Variants in STK3 observed in about 807,000 individuals in gnomAD.
The protein encoded by STK3 is serine/threonine kinase 3.
STK3 carries 41 observed loss-of-function variants against 58.0 expected under a neutral mutation model. That is an observed-to-expected ratio of 0.71 (90% CI 0.55 to 0.92). STK3 has a LOEUF of 0.92. STK3 is among the 40% of genes least tolerant of loss of function. The pLI is 0.00. For missense variants in STK3, 479 were observed against 602.7 expected, an observed-to-expected ratio of 0.79 and a Z score of 2.15; for synonymous variants, 170 against 191.0, an observed-to-expected ratio of 0.89 and a Z score of 0.91.
intron 3 of STK3, among the ~76,000 whole-genome samples, chr8:98,837,023 GGA>G (rs1835771534): frequency 6.6e-6 from 1 of 152,040 alleles, no homozygotes; most frequent in Non-Finnish European, 1.5e-5. Flanking sequence ...CATGAAAGAA[GGA>G]GACTGAAAAA....
At chr8:98,672,946 CAAG>C (rs952846965) in intron 6 of STK3, among the ~76,000 whole-genome samples, 1 of 151,866 alleles carries the variant, frequency 6.6e-6, no homozygotes, top group Non-Finnish European at 1.5e-5. Context: ...TCAAGGGATT[CAAG>C]AAGAAGCTAT....
chr8:98,930,835 T>C (rs1020014292), intron 1 of STK3, among the ~76,000 whole-genome samples: 1 of 152,192 alleles, frequency 6.6e-6, no homozygotes, highest in African/African-American at 2.4e-5. Flanking sequence ...GTGACCTCTA[T>C]ACTCATGAAA....
At chr8:98,709,246 C>T (rs72666685) in intron 4 of STK3, among the ~76,000 whole-genome samples, 5,475 of 151,942 alleles carry the variant, frequency 0.036, 117 homozygotes, top group South Asian at 0.061. Context: ...TGATAGAGAA[C>T]GACTGAGAAG....
At chr8:98,809,093 G>A (rs998527317) in intron 1 of STK3, among the ~76,000 whole-genome samples, 14 of 152,152 alleles carry the variant, frequency 9.2e-5, no homozygotes, top group Admixed American at 5.2e-4. Context: ...CAACTCCATG[G>A]AGACATAAGC....
chr8:98,714,203 C>T (rs867976937), intron 4 of STK3, among the ~76,000 whole-genome samples: 10 of 152,258 alleles, frequency 6.6e-5, no homozygotes, highest in South Asian at 2.1e-4. Flanking sequence ...GGAAGCATTC[C>T]CTTTGAAAAC....
intron 9 of STK3, among the ~76,000 whole-genome samples, chr8:98,546,681 G>A (rs940100811): frequency 6.6e-6 from 1 of 152,080 alleles, no homozygotes; most frequent in African/African-American, 2.4e-5. Flanking sequence ...AGTGAGGCAC[G>A]TTATGGATGC....
At chr8:98,642,368 ATC>A (rs34182325) in intron 6 of STK3, among the ~76,000 whole-genome samples, 40,113 of 152,052 alleles carry the variant, frequency 0.26, 5,624 homozygotes, top group East Asian at 0.41. Context: ...TACCATCCTT[ATC>A]TCTTATTCAC....
chr8:98,711,132 T>A (rs1035095527), intron 4 of STK3, among the ~76,000 whole-genome samples: 1 of 152,156 alleles, frequency 6.6e-6, no homozygotes, highest in East Asian at 1.9e-4. Context: ...AAACCCCATC[T>A]GTACATCACC....
At chr8:98,466,255 TG>T (rs1294153012) in intron 10 of STK3, among the ~76,000 whole-genome samples, 3 of 152,176 alleles carry the variant, frequency 2.0e-5, no homozygotes, top group African/African-American at 7.2e-5. Context: ...AAAACAACAG[TG>T]GTTAAAGTAT....
At chr8:98,491,162 C>CGA (rs61704241) in intron 10 of STK3, among the ~76,000 whole-genome samples, 2,253 of 142,920 alleles carry the variant, frequency 0.016, 44 homozygotes, top group African/African-American at 0.035. Flanking sequence ...AAAATAAACA[C>CGA]GAGAGAGAGA....
At chr8:98,747,758 C>T (rs968471218) in intron 4 of STK3, among the ~76,000 whole-genome samples, 2 of 152,180 alleles carry the variant, frequency 1.3e-5, no homozygotes, top group Non-Finnish European at 2.9e-5. Flanking sequence ...ATCTCTTGTG[C>T]AGCTCTGGGT....
chr8:98,558,616 T>C (rs1166501448), intron 8 of STK3, among the ~76,000 whole-genome samples: 1 of 152,122 alleles, frequency 6.6e-6, no homozygotes, highest in Non-Finnish European at 1.5e-5. Context: ...TATGATTGTA[T>C]ATATCTTATG....
At chr8:98,695,499 A>C (rs944348122) in intron 6 of STK3, among the ~76,000 whole-genome samples, 2 of 152,164 alleles carry the variant, frequency 1.3e-5, no homozygotes, top group Admixed American at 6.5e-5. Context: ...TTAAGTCTTT[A>C]ATCCATCTTG....
chr8:98,629,576 T>C (rs1432272721), intron 6 of STK3, among the ~76,000 whole-genome samples: 1 of 152,052 alleles, frequency 6.6e-6, no homozygotes, highest in African/African-American at 2.4e-5. Context: ...CGAAAATAAA[T>C]GCTAGGGAGG....
chr8:98,597,890 G>A, intron 6 of STK3: 1 of 984,554 alleles, frequency 1.0e-6, no homozygotes, highest in Non-Finnish European at 1.2e-6. Flanking sequence ...AATTCTGCCT[G>A]CAAATAACCT....
chr8:98,396,868 A>AT (rs1817900684), downstream of STK3, among the ~76,000 whole-genome samples: 1 of 152,228 alleles, frequency 6.6e-6, no homozygotes, highest in African/African-American at 2.4e-5. Flanking sequence ...CTGCCATTTC[A>AT]TCCTAGTACC....
At chr8:98,613,248 A>C (rs117783671) in intron 6 of STK3, among the ~76,000 whole-genome samples, 1 of 152,334 alleles carries the variant, frequency 6.6e-6, no homozygotes, top group East Asian at 1.9e-4. Context: ...ATTCACCTAA[A>C]ACAGAAGGTT....
chr8:98,676,922 C>G (rs1251534367), intron 6 of STK3, among the ~76,000 whole-genome samples: 1 of 152,310 alleles, frequency 6.6e-6, no homozygotes, highest in Admixed American at 6.5e-5. Flanking sequence ...TGAACCACCA[C>G]TACAGCTAAC....
At chr8:98,366,154 T>A in the STK3 span, among the ~76,000 whole-genome samples, 1 of 152,222 alleles carries the variant, frequency 6.6e-6, no homozygotes, top group African/African-American at 2.4e-5. Context: ...TTTGTATTGT[T>A]GTGATTTTCT....
Sources: allele counts gnomAD v4.1 joint callset (sites outside exome capture counted in the v4.1 genomes callset), GRCh38; gene constraint gnomAD v4.1.1; transcripts MANE v1.5; gene names NCBI Gene and HGNC (gene_info 2026-07-23, HGNC 2026-07-21).